The following RARB variants were observed in gnomAD, a reference collection of about 807,000 sequenced individuals.
The protein encoded by RARB is HBV-activated protein.
RARB carries 17 observed loss-of-function variants against 51.9 expected under a neutral mutation model. That is an observed-to-expected ratio of 0.33 (90% confidence interval 0.22 to 0.49). The LOEUF (loss-of-function observed/expected upper bound fraction) is 0.49. Ranked by LOEUF, RARB falls within the 20% of genes least tolerant of loss-of-function variation. The pLI is 0.99. For missense variants in RARB, 369 were observed against 550.8 expected, an observed-to-expected ratio of 0.67 and a Z score of 3.30; for synonymous variants, 215 against 195.4, an observed-to-expected ratio of 1.10 and a Z score of -0.84.
intron 1 of RARB, among the ~76,000 whole-genome samples, chr3:24,841,593 T>C (rs1446281434): frequency 1.3e-5 from 2 of 152,232 alleles, no homozygotes; most frequent in Non-Finnish European, 2.9e-5. Flanking sequence ...CATTTGATAT[T>C]TTAGATTAGT....
chr3:24,937,829 A>G (rs917714878), intron 2 of RARB, among the ~76,000 whole-genome samples: 2 of 152,164 alleles, frequency 1.3e-5, no homozygotes, highest in Non-Finnish European at 2.9e-5. Context: ...CTTTAAAAAT[A>G]AAGAGATTTT....
At chr3:25,527,289 C>G (rs1450627404) in intron 3 of RARB, among the ~76,000 whole-genome samples, 3 of 152,218 alleles carry the variant, frequency 2.0e-5, no homozygotes, top group Non-Finnish European at 1.5e-5. Flanking sequence ...GCAACAGCTC[C>G]AGAAATGCCC....
intron 4 of RARB, among the ~76,000 whole-genome samples, chr3:25,171,440 ATTTT>A (rs1157902711): frequency 1.6e-4 from 5 of 32,214 alleles, no homozygotes; most frequent in Non-Finnish European, 2.7e-4. Flanking sequence ...CGACACATTG[ATTTT>A]TTTTTTTTTT....
At chr3:25,441,388 G>C (rs1026898452) in intron 1 of RARB, 2 of 244,968 alleles carry the variant, frequency 8.2e-6, no homozygotes, top group African/African-American at 2.3e-5. Context: ...CTAATTTCAC[G>C]GAGTACCCCA....
chr3:25,107,492 A>C (rs1699528971), intron 3 of RARB, among the ~76,000 whole-genome samples: 1 of 152,214 alleles, frequency 6.6e-6, no homozygotes, highest in South Asian at 2.1e-4. Flanking sequence ...ATAATTACTA[A>C]AATTCATGCA....
intron 3 of RARB, among the ~76,000 whole-genome samples, chr3:25,089,309 G>A (rs986929983): frequency 2.0e-5 from 3 of 151,986 alleles, no homozygotes; most frequent in African/African-American, 7.2e-5. Context: ...GCCAAGACCA[G>A]AGTAATATAG....
chr3:24,919,350 C>T (rs1049613001), intron 2 of RARB, among the ~76,000 whole-genome samples: 1 of 152,050 alleles, frequency 6.6e-6, no homozygotes. Flanking sequence ...AAAGTTTCTC[C>T]ATACAAAGTG....
At chr3:25,569,462 C>A (rs1390510350) in intron 3 of RARB, among the ~76,000 whole-genome samples, 1 of 152,188 alleles carries the variant, frequency 6.6e-6, no homozygotes, top group African/African-American at 2.4e-5. Context: ...GAGATCCAGT[C>A]CACAGAAAAA....
At chr3:25,273,989 G>A (rs1281388418) in intron 5 of RARB, among the ~76,000 whole-genome samples, 4 of 152,150 alleles carry the variant, frequency 2.6e-5, no homozygotes, top group Non-Finnish European at 4.4e-5. Context: ...GCATGCGGCA[G>A]CCTGTCCCCA....
intron 5 of RARB, among the ~76,000 whole-genome samples, chr3:25,209,080 C>T (rs982933351): frequency 9.2e-5 from 14 of 152,224 alleles, no homozygotes; most frequent in Admixed American, 8.5e-4. Context: ...CCTATTCTCA[C>T]TGTCAGCATA....
intron 3 of RARB, among the ~76,000 whole-genome samples, chr3:25,128,696 G>A (rs1438459202): frequency 6.6e-6 from 1 of 151,720 alleles, no homozygotes; most frequent in East Asian, 1.9e-4. Context: ...AGTTATACAA[G>A]GAGGCATGCC....
At chr3:25,093,714 G>A (rs1439484790) in intron 3 of RARB, among the ~76,000 whole-genome samples, 1 of 150,414 alleles carries the variant, frequency 6.6e-6, no homozygotes, top group Admixed American at 6.6e-5. Flanking sequence ...GTTTTTTTTT[G>A]CATGTCTCAT....
intron 3 of RARB, among the ~76,000 whole-genome samples, chr3:25,536,610 A>G (rs1199523731): frequency 6.6e-6 from 1 of 152,260 alleles, no homozygotes; most frequent in East Asian, 1.9e-4. Flanking sequence ...CAAACAATCA[A>G]CAATTTTTAT....
intron 3 of RARB, among the ~76,000 whole-genome samples, chr3:25,524,583 G>T (rs78926911): frequency 0.035 from 5,366 of 151,314 alleles, 117 homozygotes; most frequent in Non-Finnish European, 0.054. Flanking sequence ...TCCTTCAAAA[G>T]TTTTCCCTTT....
chr3:25,497,398 T>G (rs1462072770), intron 2 of RARB, among the ~76,000 whole-genome samples: 1 of 152,194 alleles, frequency 6.6e-6, no homozygotes, highest in Non-Finnish European at 1.5e-5. Flanking sequence ...AGACAGTCTC[T>G]CTTTCCTTAG....
chr3:25,032,607 G>A lies in RARB; in HGVS notation c.-379-27518G>A, dbSNP rs533297729. Among the ~76,000 whole-genome samples the A allele has an allele frequency of 6.1e-4, 93 of 152,284 alleles. 1 individual carries two copies. The highest frequency in any genetic ancestry group is 2.2e-3 in the African/African-American group (92 of 41,556). ...TTATTCTCCTATCAGATTGGCTGAG[G>A]GTGAAAAGCTTCAAAATACATAGCA... On this transcript the variant is annotated intron_variant, in intron 2 of 11. Coordinates refer to the RARB transcript ENST00000383772.
At position 25,092,704 on chromosome 3, in the gene RARB, C is replaced by T. The variant is rs146454956; in HGVS notation, c.-328+32528C>T. ...TGCGAATGCCTTCTCTTTGATAAGA[C>T]GCCTCTGAGAGAAGTGTGTTGTCTT... On this transcript the variant is annotated intron_variant, in intron 3 of 11. Coordinates refer to the RARB transcript ENST00000383772. Among the ~76,000 whole-genome samples, 581 of 152,070 alleles carry T rather than the reference C, an allele frequency of 3.8e-3. 6 individuals are homozygous for T. Among genetic ancestry groups the T allele is most frequent in the African/African-American group, 0.014 (567 of 41,490 alleles).
Position 25,238,949 on chromosome 3 carries a change from A to G in RARB, c.178+64374A>G, listed in dbSNP as rs547894850. Among the ~76,000 whole-genome samples, 342 of 151,364 alleles carry G rather than the reference A, an allele frequency of 2.3e-3. 3 individuals are homozygous for G. The highest frequency in any genetic ancestry group is 8.1e-3 in the African/African-American group (329 of 40,820). ...AGCCGAGATCACACCACTGCACTCCAGCCGGGGCAGCAGAGCAAGACTGTG... is the reference window on the plus strand; with the variant it reads ...AGCCGAGATCACACCACTGCACTCCGGCCGGGGCAGCAGAGCAAGACTGTG... On this transcript the variant is annotated intron_variant, in intron 5 of 11. Transcript: ENST00000383772.
At chr3:25,107,707 TAATAA>T (rs1699532832) in intron 3 of RARB, among the ~76,000 whole-genome samples, 2 of 152,144 alleles carry the variant, frequency 1.3e-5, no homozygotes, top group African/African-American at 2.4e-5. Flanking sequence ...ACAGCAATAA[TAATAA>T]AATAGGAAAA....
Sources: allele counts gnomAD v4.1 joint callset (sites outside exome capture counted in the v4.1 genomes callset), GRCh38; gene constraint gnomAD v4.1.1; transcripts MANE v1.5; gene names NCBI Gene and HGNC (gene_info 2026-07-23, HGNC 2026-07-21).